SLC1A6: variants seen among roughly 807,000 people sequenced by gnomAD.
SLC1A6 encodes the protein excitatory amino acid transporter 4.
SLC1A6 carries 15 observed loss-of-function variants against 42.1 expected under a neutral mutation model. The observed-to-expected ratio is 0.36, with a 90% CI of 0.24 to 0.55. The LOEUF is 0.55. SLC1A6 is among the 20% of genes least tolerant of loss of function. The probability of loss-of-function intolerance (pLI) is 0.88; values close to 1 mark genes in which losing one functional copy is unlikely to be tolerated. For missense variants in SLC1A6, 542 were observed against 772.5 expected (o/e 0.70, Z 3.54); for synonymous variants, 317 against 319.7 (o/e 0.99, Z 0.09).
chr19:14,996,574 T>TTCTTCTTCTTCTTCTTCC (rs1568301088), intron 1 of SLC1A6, among the ~76,000 whole-genome samples: 1 of 149,908 alleles, frequency 6.7e-6, no homozygotes, highest in African/African-American at 2.4e-5. Context: ...CTTCTTCCTC[T>TTCTTCTTCTTCTTCTTCC]TCTTCTTCTT....
At chr19:14,989,766 TGG>T in intron 1 of SLC1A6, among the ~76,000 whole-genome samples, 1 of 77,332 alleles carries the variant, frequency 1.3e-5, no homozygotes, top group Non-Finnish European at 2.4e-5. Flanking sequence ...GGGTGGGGTG[TGG>T]ATCACCTGAG....
At chr19:14,952,590 A>G (rs2045423540) in intron 9 of SLC1A6, among the ~76,000 whole-genome samples, 1 of 151,656 alleles carries the variant, frequency 6.6e-6, no homozygotes, top group African/African-American at 2.4e-5. Flanking sequence ...ACGCCCAGCT[A>G]ATTTTGTTTT....
At position 14,961,994 on chromosome 19, in the gene SLC1A6, G is replaced by C. The variant is rs1422983067; in HGVS notation, c.935+8C>G. ...TCCACCATCCCGTGGGCACAGACCAGGACTCACCAGATAATGATGCCCACC... is the reference window on the plus strand; with the variant it reads ...TCCACCATCCCGTGGGCACAGACCACGACTCACCAGATAATGATGCCCACC... On this transcript the variant is annotated splice_region_variant and intron_variant, in intron 6 of 9. Coordinates refer to ENST00000594383, the MANE Select transcript of SLC1A6 (RefSeq NM_005071.3). The C allele has an allele frequency of 6.2e-7, 1 of 1,611,198 alleles. No individual in the cohort carries two copies. Among genetic ancestry groups the C allele is most frequent in the Non-Finnish European group, 8.5e-7 (1 of 1,178,538 alleles).
intron 1 of SLC1A6, among the ~76,000 whole-genome samples, chr19:14,994,495 T>G (rs1002233418): frequency 5.3e-5 from 8 of 152,132 alleles, no homozygotes; most frequent in Admixed American, 2.6e-4. Context: ...CTACCACACC[T>G]TGACCCAACT....
At chr19:14,999,484 G>A (rs984249465) in intron 1 of SLC1A6, among the ~76,000 whole-genome samples, 3 of 152,142 alleles carry the variant, frequency 2.0e-5, no homozygotes, top group African/African-American at 7.2e-5. Context: ...CCAAGCTGTA[G>A]CTTAAAGACC....
Position 14,993,058 on chromosome 19 carries a change from G to C in SLC1A6, c.6+17427C>G, listed in dbSNP as rs921973020. On this transcript the variant is annotated intron_variant, in intron 1 of 8. Transcript: ENST00000430939. ...GCAGAGGAGGTGGGAGGAGGACCAG[G>C]TCTCCCCGTCCTGATCCCCTGTCTT... 2.0e-5 allele frequency among the ~76,000 whole-genome samples: 3 copies of C among 152,236 alleles called. No individual in the cohort carries two copies. The South Asian group carries it at 6.2e-4, about 32-fold the overall frequency.
At chr19:14,951,203 G>A (rs2045408100) in intron 9 of SLC1A6, among the ~76,000 whole-genome samples, 1 of 130,352 alleles carries the variant, frequency 7.7e-6, no homozygotes, top group African/African-American at 2.9e-5. Flanking sequence ...AGTGAGCTGA[G>A]ATCGAGCCAC....
chr19:14,962,481 T>C (rs983323056), intron 5 of SLC1A6, 136 bp from the exon 6 acceptor site: 2 of 641,200 alleles, frequency 3.1e-6, no homozygotes, highest in African/African-American at 3.6e-5. Flanking sequence ...CGATTATCAC[T>C]CATTATCGAC....
chr19:14,980,529 C>A (rs868527126), upstream of SLC1A6, among the ~76,000 whole-genome samples: 20 of 152,124 alleles, frequency 1.3e-4, no homozygotes, highest in African/African-American at 4.6e-4. Context: ...CGGTGGCTCA[C>A]GCCTGTAATC....
intron 1 of SLC1A6, among the ~76,000 whole-genome samples, chr19:14,989,654 G>A (rs1163980291): frequency 3.3e-5 from 5 of 151,974 alleles, no homozygotes; most frequent in African/African-American, 1.2e-4. Flanking sequence ...AATTAGTACA[G>A]CCATTATAAA....
chr19:14,951,814 G>T (rs142404066), intron 9 of SLC1A6, among the ~76,000 whole-genome samples: 2 of 144,924 alleles, frequency 1.4e-5, no homozygotes, highest in African/African-American at 5.2e-5. Flanking sequence ...CACCACACCC[G>T]GCCTGTTTTT....
Position 14,952,943 on chromosome 19 carries a change from G to A in SLC1A6, c.1484C>T (p.Ala495Val), listed in dbSNP as rs1469211874. The A allele has an allele frequency of 1.2e-6, 2 of 1,613,850 alleles. No individual in the cohort carries two copies. Among genetic ancestry groups the A allele is most frequent in the Non-Finnish European group, 1.7e-6 (2 of 1,179,884 alleles). Reference sequence around the variant, plus strand: ...GAACACTCACAGGAACCAGTCCACGGCAATGATGAGCGTGATGTCTTCCGT... The same window carrying A: ...GAACACTCACAGGAACCAGTCCACGACAATGATGAGCGTGATGTCTTCCGT... ...LPTEDITLIIAVDWFLDRLRT... is the reference protein window; with the variant it reads ...LPTEDITLIIVVDWFLDRLRT... The change falls in exon 9 of 10, where the codon GCC becomes GTC. Residue 495 changes from alanine to valine, a missense_variant. Around this residue, in one of 6 missense-constraint regions of SLC1A6, gnomAD observed 54 missense variants for 125.1 expected, o/e 0.43. Coordinates refer to ENST00000594383, the MANE Select transcript of SLC1A6 (RefSeq NM_005071.3).
Position 14,950,319 on chromosome 19 carries a change from T to C in SLC1A6, c.1571A>G (p.Gln524Arg). 6.2e-7 allele frequency: 1 copy of C among 1,612,218 alleles called. No individual in the cohort carries two copies. The highest frequency in any genetic ancestry group is 8.5e-7 in the Non-Finnish European group (1 of 1,179,010). Residue 524 changes from glutamine to arginine, a missense_variant, in exon 10 of 10, where the codon CAG becomes CGG. By Grantham distance (43) the Gln-to-Arg change is conservative (BLOSUM62 1). Around this residue, in one of 6 missense-constraint regions of SLC1A6, gnomAD observed 73 missense variants for 85.2 expected, o/e 0.86. Coordinates refer to ENST00000594383, the MANE Select transcript of SLC1A6 (RefSeq NM_005071.3). ...IGAAVIEHLSQRELELQEAEL... is the reference protein window; with the variant it reads ...IGAAVIEHLSRRELELQEAEL... ...AGCTTCCTGAAGCTCCAGCTCCCGC[T>C]GAGACAAGTGCTCGATGACGGCCGC...
At chr19:14,968,594 C>T in intron 3 of SLC1A6, 87 bp from the exon 4 acceptor site, 1 of 1,167,642 alleles carries the variant, frequency 8.6e-7, no homozygotes, top group Admixed American at 2.3e-5. Context: ...CCCATATCAC[C>T]AACTCAACAG....
intron 1 of SLC1A6, among the ~76,000 whole-genome samples, chr19:15,005,788 C>T (rs2045893430): frequency 6.6e-6 from 1 of 152,192 alleles, no homozygotes; most frequent in Admixed American, 6.5e-5. Context: ...AATGTAACAG[C>T]CTGCATAGCC....
chr19:14,978,145 G>A (rs554984718), intron 1 of SLC1A6: 4 of 152,264 alleles, frequency 2.6e-5, no homozygotes, highest in African/African-American at 7.2e-5. Flanking sequence ...CTCAGAAAAT[G>A]TCCCTTCTAG....
chr19:15,000,148 C>G (rs2045866140), intron 1 of SLC1A6, among the ~76,000 whole-genome samples: 1 of 152,082 alleles, frequency 6.6e-6, no homozygotes, highest in Non-Finnish European at 1.5e-5. Context: ...GTAGATGAGG[C>G]TAAGCTATGG....
intron 9 of SLC1A6, among the ~76,000 whole-genome samples, chr19:14,952,370 A>T (rs1305808519): frequency 6.6e-6 from 1 of 151,664 alleles, no homozygotes; most frequent in African/African-American, 2.4e-5. Flanking sequence ...AACATGGTGA[A>T]ACCCCATCTC....
At chr19:14,971,600 G>T (rs2285980) in intron 3 of SLC1A6, 137 bp downstream of exon 3, 1 of 847,662 alleles carries the variant, frequency 1.2e-6, no homozygotes, top group Non-Finnish European at 1.8e-6. Context: ...GGCCAAGGAC[G>T]CTGGACCAGA....
Sources: allele counts gnomAD v4.1 joint callset (sites outside exome capture counted in the v4.1 genomes callset), GRCh38; gene constraint gnomAD v4.1.1; regional missense constraint gnomAD v4.1.1; transcripts MANE v1.5; gene names NCBI Gene and HGNC (gene_info 2026-07-23, HGNC 2026-07-21).